Variants in GABRA3 observed in about 807,000 individuals in gnomAD.
The protein encoded by GABRA3 is gamma-aminobutyric acid type A receptor subunit alpha3, also known as gamma-aminobutyric acid receptor subunit alpha-3.
GABRA3 carries 10 observed loss-of-function variants against 30.1 expected under a neutral mutation model. The ratio of observed to expected loss-of-function variants is 0.33; its 90% CI spans 0.20 to 0.56. The LOEUF is 0.56. Among genes scored for constraint, GABRA3 ranks in the 20% least tolerant of loss-of-function variants. The probability of loss-of-function intolerance (pLI) is 0.89; values close to 1 mark genes in which losing one functional copy is unlikely to be tolerated. For missense variants in GABRA3, 233 were observed against 392.0 expected, an observed-to-expected ratio of 0.59 and a Z score of 3.42; for synonymous variants, 151 against 146.8, an observed-to-expected ratio of 1.03 and a Z score of -0.21.
intron 8 of GABRA3, among the ~76,000 whole-genome samples, chrX:152,193,853 T>G (rs1016238875): frequency 2.7e-5 from 3 of 110,174 alleles, no homozygotes; most frequent in African/African-American, 6.6e-5. Flanking sequence ...AAAAATTAAC[T>G]AGGCATGGTG....
In GABRA3 at chrX:152,173,990, C is replaced by T. The variant is rs1375393588; in HGVS notation, c.1144-5427G>A. Among the ~76,000 whole-genome samples the T allele has an allele frequency of 5.5e-5, 6 of 109,232 alleles. 1 individual carries two copies. In the East Asian group the frequency reaches 1.2e-3, roughly 21 times the overall value. The allele number at this position is 109,232 out of a possible 115,157, so 94.9% of individuals were successfully genotyped here. A position where few individuals can be genotyped will look rare whatever the true frequency, so the allele number is the denominator to read the frequency against. On this transcript the variant is annotated intron_variant, in intron 9 of 9. Transcript: ENST00000370314. ...GGTGTGTGATGTTCCCCTTCCTGTG[C>T]CCATGTGTTCTCATTGTTCAATTCC...
intron 2 of GABRA3, among the ~76,000 whole-genome samples, chrX:152,361,888 A>T (rs1254466114): frequency 2.7e-5 from 3 of 112,243 alleles, no homozygotes; most frequent in African/African-American, 9.7e-5. Flanking sequence ...TTTTTAGAAA[A>T]CTATATTATC....
rs138412931 is a variant in GABRA3 at position 152,185,555 on chromosome X, T to C, written c.1143+4175A>G. On this transcript the variant is annotated intron_variant, in intron 9 of 9. Coordinates refer to ENST00000370314, the MANE Select transcript of GABRA3 (RefSeq NM_000808.4). ...CTGTCTCATTTTTTATAAAACATCA[T>C]GGAAGCCTTGCAGCTATCTAAAAAT... Among the ~76,000 whole-genome samples the C allele has an allele frequency of 1.4e-3, 157 of 111,594 alleles. 1 individual carries two copies. Among genetic ancestry groups the C allele is most frequent in the Middle Eastern group, 4.6e-3 (1 of 218 alleles).
At chrX:152,197,266 G>A (rs1215331715) in intron 8 of GABRA3, among the ~76,000 whole-genome samples, 1 of 111,524 alleles carries the variant, frequency 9.0e-6, no homozygotes, top group Non-Finnish European at 1.9e-5. Context: ...AAAAAAAGCA[G>A]ATCTTAACAA....
intron 4 of GABRA3, among the ~76,000 whole-genome samples, chrX:152,265,067 A>G (rs1055684102): frequency 9.0e-6 from 1 of 111,621 alleles, no homozygotes; most frequent in African/African-American, 3.2e-5. Context: ...TCAATAACTC[A>G]TTTCAACATT....
chrX:152,406,701 A>T (rs930463637), intron 1 of GABRA3, among the ~76,000 whole-genome samples: 5 of 109,741 alleles, frequency 4.6e-5, no homozygotes, highest in Non-Finnish European at 3.8e-5. Flanking sequence ...GATCGTCCAG[A>T]CAGAAAATCA....
chrX:152,450,005 G>GA (rs1931182779), intron 1 of GABRA3, among the ~76,000 whole-genome samples: 1 of 111,105 alleles, frequency 9.0e-6, no homozygotes, highest in Non-Finnish European at 1.9e-5. Flanking sequence ...TAGTATTAGG[G>GA]ATGTCAGAAT....
chrX:152,403,941 G>C (rs893080413), intron 1 of GABRA3, among the ~76,000 whole-genome samples: 1 of 110,986 alleles, frequency 9.0e-6, no homozygotes, highest in Non-Finnish European at 1.9e-5. Flanking sequence ...CATTTTCCAA[G>C]GAGGCATTTA....
intron 1 of GABRA3, among the ~76,000 whole-genome samples, chrX:152,385,945 G>C (rs1929293465): frequency 9.1e-6 from 1 of 110,355 alleles, no homozygotes. Context: ...CTGTTCCATT[G>C]ATCTATATCT....
intron 2 of GABRA3, among the ~76,000 whole-genome samples, chrX:152,360,205 TG>T (rs1401570043): frequency 1.3e-5 from 1 of 78,032 alleles, no homozygotes; most frequent in Non-Finnish European, 2.5e-5. Context: ...CTGGGTCAAA[TG>T]GTATTTCTAG....
At chrX:152,382,000 G>T (rs754975118) in intron 1 of GABRA3, among the ~76,000 whole-genome samples, 1 of 111,390 alleles carries the variant, frequency 9.0e-6, no homozygotes, top group East Asian at 2.8e-4. Context: ...GAACAGTGCC[G>T]CAACAAACAT....
At chrX:152,381,858 T>C (rs1369067761) in intron 1 of GABRA3, among the ~76,000 whole-genome samples, 6 of 111,764 alleles carry the variant, frequency 5.4e-5, no homozygotes, top group African/African-American at 1.6e-4. Flanking sequence ...GCATCATCTA[T>C]GTCCCTGCAA....
chrX:152,370,741 T>C (rs960618426), intron 1 of GABRA3, among the ~76,000 whole-genome samples: 30 of 111,370 alleles, frequency 2.7e-4, no homozygotes, highest in African/African-American at 9.1e-4. Flanking sequence ...TCCATGGCCA[T>C]ATCCTAAGAC....
chrX:152,258,701 C>T (rs773967580), intron 4 of GABRA3, among the ~76,000 whole-genome samples: 1 of 111,534 alleles, frequency 9.0e-6, no homozygotes, highest in South Asian at 3.8e-4. Context: ...ATAGATATGA[C>T]CACTTGACTT....
chrX:152,361,918 C>T (rs767683641), intron 2 of GABRA3, among the ~76,000 whole-genome samples: 1 of 112,205 alleles, frequency 8.9e-6, no homozygotes, highest in South Asian at 3.6e-4. Flanking sequence ...ATGTAAAAGG[C>T]TTTAACACTT....
chrX:152,427,240 A>C (rs1602724665), intron 1 of GABRA3, among the ~76,000 whole-genome samples: 4 of 111,631 alleles, frequency 3.6e-5, no homozygotes, highest in Non-Finnish European at 3.8e-5. Flanking sequence ...TTCCCTGTTT[A>C]AAGTCCTTTA....
chrX:152,396,677 A>G (rs1472856458), intron 1 of GABRA3, among the ~76,000 whole-genome samples: 1 of 112,347 alleles, frequency 8.9e-6, no homozygotes, highest in East Asian at 2.8e-4. Context: ...GATATGTTAA[A>G]CAATGCAACA....
At chrX:152,283,088 G>C (rs1403460207) in intron 4 of GABRA3, among the ~76,000 whole-genome samples, 1 of 111,410 alleles carries the variant, frequency 9.0e-6, no homozygotes, top group Non-Finnish European at 1.9e-5. Flanking sequence ...ATGCATAGTT[G>C]GGCTCGTAAG....
chrX:152,332,835 T>C (rs73623085), intron 3 of GABRA3, among the ~76,000 whole-genome samples: 1 of 112,355 alleles, frequency 8.9e-6, no homozygotes, highest in African/African-American at 3.2e-5. Flanking sequence ...CCCACAAGCA[T>C]CATCTTGCTT....
Sources: allele counts gnomAD v4.1 joint callset (sites outside exome capture counted in the v4.1 genomes callset), GRCh38; gene constraint gnomAD v4.1.1; transcripts MANE v1.5; gene names NCBI Gene and HGNC (gene_info 2026-07-23, HGNC 2026-07-21).